The following RTTN variants were observed in gnomAD, a reference collection of about 807,000 sequenced individuals.
RTTN encodes rotatin.
A neutral mutation model predicts 269.2 loss-of-function variants in RTTN; 182 were observed. The observed-to-expected ratio is 0.68, with a 90% CI of 0.60 to 0.76. RTTN has a LOEUF of 0.76. Ranked by LOEUF, RTTN falls within the 30% of genes least tolerant of loss-of-function variation. The pLI is 0.00. For missense variants in RTTN, 2,545 were observed against 2,608.6 expected, an observed-to-expected ratio of 0.98 and a Z score of 0.53; for synonymous variants, 1,006 against 963.5, an observed-to-expected ratio of 1.04 and a Z score of -0.82.
chr18:70,030,382 T>G (rs1265200442), intron 41 of RTTN, among the ~76,000 whole-genome samples: 1 of 152,192 alleles, frequency 6.6e-6, no homozygotes, highest in East Asian at 1.9e-4. Context: ...CAAATCACAA[T>G]TGATATTAAT....
chr18:70,099,035 T>G (rs373088833), intron 28 of RTTN, among the ~76,000 whole-genome samples: 5 of 152,260 alleles, frequency 3.3e-5, no homozygotes, highest in East Asian at 1.9e-4. Flanking sequence ...CTTCACCCAG[T>G]CTATTGCTGA....
chr18:70,037,275 CA>C (rs2057203076), intron 40 of RTTN, among the ~76,000 whole-genome samples: 1 of 152,216 alleles, frequency 6.6e-6, no homozygotes, highest in African/African-American at 2.4e-5. Flanking sequence ...GCATGTGACA[CA>C]GGGAGACAAC....
Position 70,139,725 on chromosome 18 carries a change from G to T in RTTN, c.2671-9C>A. 1 of 1,546,338 alleles carries T rather than the reference G, an allele frequency of 6.5e-7. No homozygotes were observed. Among genetic ancestry groups the T allele is most frequent in the Non-Finnish European group, 8.9e-7 (1 of 1,120,898 alleles). On this transcript the variant is annotated splice_polypyrimidine_tract_variant and intron_variant, in intron 20 of 48. Coordinates refer to ENST00000640769, the MANE Select transcript of RTTN (RefSeq NM_173630.4). Reference sequence around the variant, plus strand: ...ACCAAACATTCTACAACCTGGGCCAGGAGGAAAAACACAGCTTTTCATTTT... The same window carrying T: ...ACCAAACATTCTACAACCTGGGCCATGAGGAAAAACACAGCTTTTCATTTT...
intron 9 of RTTN, among the ~76,000 whole-genome samples, chr18:70,189,603 A>G (rs1325601929): frequency 6.6e-6 from 1 of 152,220 alleles, no homozygotes; most frequent in African/African-American, 2.4e-5. Context: ...TTTAGATTCA[A>G]AAGAATCGTG....
intron 8 of RTTN, 117 bp downstream of exon 8, chr18:70,193,171 T>A (rs1325653505): frequency 2.1e-6 from 2 of 955,362 alleles, no homozygotes; most frequent in Non-Finnish European, 3.0e-6. Flanking sequence ...CCTGTGTTAA[T>A]GTTTCAAAAA....
At chr18:70,051,156 G>A (rs1465371770) in intron 39 of RTTN, among the ~76,000 whole-genome samples, 3 of 152,048 alleles carry the variant, frequency 2.0e-5, no homozygotes, top group Non-Finnish European at 4.4e-5. Context: ...TCTTTAAAAA[G>A]CTTAAAAAAT....
At chr18:70,053,594 ATGAT>A (rs2144831117) in intron 38 of RTTN, 1 of 152,372 alleles carries the variant, frequency 6.6e-6, no homozygotes, top group South Asian at 2.1e-4. Context: ...TTCATTATAA[ATGAT>A]TGTTTTCATT....
In RTTN at chr18:70,151,736, C is replaced by T. The variant is rs138241546; in HGVS notation, c.1930-1003G>A. ...TCTACCATCTAAACTGTGACTATCC[C>T]CTTCTGAAACCAAGATTTACTTCCT... is the stretch of plus-strand genomic sequence containing the variant. On this transcript the variant is annotated intron_variant, in intron 14 of 48. Coordinates refer to ENST00000640769, the MANE Select transcript of RTTN (RefSeq NM_173630.4). 5.9e-5 allele frequency among the ~76,000 whole-genome samples: 9 copies of T among 152,252 alleles called. No individual in the cohort carries two copies. In the East Asian group the frequency reaches 1.7e-3, roughly 29 times the overall value.
At position 70,135,347 on chromosome 18, in the gene RTTN, A is replaced by T; in HGVS notation, c.2789-67T>A. The T allele has an allele frequency of 1.6e-5, 15 of 929,448 alleles. No individual in the cohort carries two copies. The South Asian group carries it at 2.3e-4, about 14-fold the overall frequency. 57.6% of individuals were successfully genotyped at this position (929,448 alleles called of 1,614,324 possible). On this transcript the variant is annotated intron_variant, in intron 21 of 48. Transcript: ENST00000640769. ...CTAGAAAGAATGAACTTCAAATTTA[A>T]AATATCTTGATTTGAAGAGAAAAGA... is the stretch of plus-strand genomic sequence containing the variant.
At chr18:70,125,485 A>G (rs990140762) in intron 25 of RTTN, among the ~76,000 whole-genome samples, 9 of 152,140 alleles carry the variant, frequency 5.9e-5, no homozygotes, top group Admixed American at 5.9e-4. Context: ...GATATATCAT[A>G]TATTTGAAAA....
chr18:70,166,702 T>C (rs1164869559), intron 13 of RTTN: 7 of 404,058 alleles, frequency 1.7e-5, no homozygotes, highest in Non-Finnish European at 3.0e-5. Context: ...ATTTTGATTG[T>C]AGGCATGACA....
chr18:70,048,344 G>T (rs143629960), intron 39 of RTTN, among the ~76,000 whole-genome samples, 156 bp from the exon 40 acceptor site: 1 of 152,306 alleles, frequency 6.6e-6, no homozygotes, highest in Non-Finnish European at 1.5e-5. Flanking sequence ...GTGCCAACCA[G>T]AACTTAAAAG....
chr18:70,190,534 T>A lies in RTTN; in HGVS notation c.1189+4A>T, dbSNP rs775664979. 1.9e-6 allele frequency: 3 copies of A among 1,596,290 alleles called. No homozygotes were observed. Among genetic ancestry groups the A allele is most frequent in the Non-Finnish European group, 2.6e-6 (3 of 1,165,620 alleles). The stretch of plus-strand genomic sequence containing the variant: ...TCAGAATTACGATTTCTAAAACAAC[T>A]AACCTGTTCTTAAGAGAGGAACAGC... On this transcript the variant is annotated splice_donor_region_variant and intron_variant, in intron 9 of 48. Transcript: ENST00000640769.
intron 28 of RTTN, among the ~76,000 whole-genome samples, chr18:70,094,878 G>A (rs571801440): frequency 9.3e-5 from 14 of 150,510 alleles, no homozygotes; most frequent in Non-Finnish European, 2.1e-4. Context: ...TTTCAGTCTC[G>A]TTGATCTAAT....
rs551023175 is a variant in RTTN at position 70,161,481 on chromosome 18, A to T, written c.1929+4581T>A. Among the ~76,000 whole-genome samples the T allele has an allele frequency of 8.9e-4, 136 of 152,312 alleles. No individual in the cohort carries two copies. The Middle Eastern group carries it at 0.014, about 15-fold the overall frequency. ...GCAATTGCAACAAAAACAGAAATAG[A>T]TAAGTGGGACCTAATGAAACTAAAA... is the stretch of plus-strand genomic sequence containing the variant. On this transcript the variant is annotated intron_variant, in intron 14 of 48. Transcript: ENST00000640769.
Position 70,128,364 on chromosome 18 carries a change from G to C in RTTN, c.3137C>G (p.Thr1046Arg), listed in dbSNP as rs200976618. Reference sequence around the variant, plus strand: ...AACTAATATAAGAGCTTACTCTTGCGTTTTAGTTTCAGAGTTCATTTGCTT... The same window carrying C: ...AACTAATATAAGAGCTTACTCTTGCCTTTTAGTTTCAGAGTTCATTTGCTT... ...LLKQMNSETKTQEILDALKLS... is the reference protein window; with the variant it reads ...LLKQMNSETKRQEILDALKLS... The change falls in exon 24 of 49, where the codon ACG (threonine) becomes AGG (arginine). Residue 1046 changes from threonine (T) to arginine (R), a missense_variant. Transcript: ENST00000640769. 2 of 1,610,228 alleles carry C rather than the reference G, an allele frequency of 1.2e-6. No homozygotes were observed. Among genetic ancestry groups the C allele is most frequent in the African/African-American group, 1.3e-5 (1 of 74,864 alleles).
intron 17 of RTTN, among the ~76,000 whole-genome samples, chr18:70,148,266 G>C (rs891946451): frequency 2.7e-4 from 41 of 151,824 alleles, no homozygotes; most frequent in African/African-American, 8.7e-4. Flanking sequence ...TCTTTTTTCA[G>C]TAAGGGAAAA....
chr18:70,197,889 C>A, intron 5 of RTTN, 151 bp from the exon 6 acceptor site: 1 of 609,644 alleles, frequency 1.6e-6, no homozygotes, highest in Non-Finnish European at 2.9e-6. Flanking sequence ...TTTTCCCTAA[C>A]CAATAAACAA....
rs757419883 is a variant in RTTN, at chr18:70,188,094, A to T, written c.1305+14T>A. The stretch of plus-strand genomic sequence containing the variant: ...TACTATTCCCTATATCCCAAAGAAA[A>T]CATTGATTCTTACCATATCTATACC... On this transcript the variant is annotated intron_variant, in intron 10 of 48. Coordinates refer to ENST00000640769, the MANE Select transcript of RTTN (RefSeq NM_173630.4). 4.2e-6 allele frequency: 6 copies of T among 1,440,126 alleles called. No individual in the cohort carries two copies. The highest frequency in any genetic ancestry group is 1.4e-5 in the African/African-American group (1 of 71,148). 89.2% of individuals were successfully genotyped at this position (1,440,126 alleles called of 1,614,324 possible).
Sources: allele counts gnomAD v4.1 joint callset (sites outside exome capture counted in the v4.1 genomes callset), GRCh38; gene constraint gnomAD v4.1.1; transcripts MANE v1.5; gene names NCBI Gene and HGNC (gene_info 2026-07-23, HGNC 2026-07-21).